The following MDGA2 variants were observed in gnomAD, a reference collection of about 807,000 sequenced individuals.
The protein encoded by MDGA2 is MAM domain containing glycosylphosphatidylinositol anchor 2.
In MDGA2, 40 loss-of-function variants were observed where a neutral mutation model predicts 117.8. That is an observed-to-expected ratio of 0.34 (90% CI 0.26 to 0.44). The LOEUF is 0.44. Among genes scored for constraint, MDGA2 ranks in the 20% least tolerant of loss-of-function variants. MDGA2 has a pLI of 1.00. For missense variants in MDGA2, 1,123 were observed against 1,250.6 expected (o/e 0.90, Z 1.54); for synonymous variants, 452 against 439.0 (o/e 1.03, Z -0.37).
chr14:47,519,558 T>C (rs540884429), intron 1 of MDGA2, among the ~76,000 whole-genome samples: 1 of 152,318 alleles, frequency 6.6e-6, no homozygotes, highest in Non-Finnish European at 1.5e-5. Context: ...TTAAAAATGA[T>C]GAGTAAACGC....
intron 6 of MDGA2, among the ~76,000 whole-genome samples, chr14:47,088,875 T>A (rs1891007080): frequency 6.6e-6 from 1 of 152,208 alleles, no homozygotes; most frequent in Admixed American, 6.5e-5. Context: ...GTCAGTTCTA[T>A]CAAGTCCTTC....
chr14:47,053,004 A>G (rs1351277924), intron 7 of MDGA2, among the ~76,000 whole-genome samples: 3 of 151,898 alleles, frequency 2.0e-5, no homozygotes, highest in African/African-American at 7.2e-5. Context: ...CATTATCAAA[A>G]TTTATGCATC....
intron 1 of MDGA2, among the ~76,000 whole-genome samples, chr14:47,572,227 C>T (rs4900784): frequency 0.78 from 119,074 of 152,118 alleles, 46,914 homozygotes; most frequent in East Asian, 1. Flanking sequence ...AAGGTATGTG[C>T]GTGTACAGTG....
chr14:47,100,552 C>A (rs1427490185), intron 5 of MDGA2, among the ~76,000 whole-genome samples: 1 of 151,998 alleles, frequency 6.6e-6, no homozygotes, highest in Non-Finnish European at 1.5e-5. Context: ...ATGTAAATGT[C>A]CATTGATTCA....
rs190681785 is a variant in MDGA2 at position 47,301,540 on chromosome 14, C to T, written c.291G>A (p.Thr97=). ...CCAAGCCTGAGTGCACAATACGAACCGTGGGAGGAGCTGTCGAGTCAGGAA... is the reference window on the plus strand; with the variant it reads ...CCAAGCCTGAGTGCACAATACGAACTGTGGGAGGAGCTGTCGAGTCAGGAA... ...ISGQGVYAPP[T]VRIVHSGLAC... Residue 97 remains threonine (T), a synonymous_variant, in exon 2 of 17, where the codon ACG becomes ACA. Coordinates refer to ENST00000399232, the MANE Select transcript of MDGA2 (RefSeq NM_001113498.3). The T allele has an allele frequency of 1.7e-5, 27 of 1,551,526 alleles. No individual in the cohort carries two copies. The highest frequency in any genetic ancestry group is 2.7e-5 in the African/African-American group (2 of 73,138).
Position 47,652,503 on chromosome 14 carries a change from T to C in MDGA2, c.280+22014A>G, listed in dbSNP as rs185140526. 2.0e-5 allele frequency among the ~76,000 whole-genome samples: 3 copies of C among 152,304 alleles called. No homozygotes were observed. The East Asian group carries it at 5.8e-4, about 29-fold the overall frequency. ...AAAACTACAAAGTCAGTTTCCTTTA[T>C]CTGAAAATACTGATTTGTTCAAGTT... On this transcript the variant is annotated intron_variant, in intron 1 of 16. Transcript: ENST00000399232.
chr14:47,391,394 G>C (rs1268135466), intron 1 of MDGA2, among the ~76,000 whole-genome samples: 1 of 152,150 alleles, frequency 6.6e-6, no homozygotes, highest in Non-Finnish European at 1.5e-5. Context: ...GAATAGACAA[G>C]TGTGAAACTG....
At chr14:46,976,457 G>A (rs1411690302) in intron 8 of MDGA2, among the ~76,000 whole-genome samples, 1 of 151,856 alleles carries the variant, frequency 6.6e-6, no homozygotes, top group Non-Finnish European at 1.5e-5. Context: ...TCATACTTGT[G>A]AATCAGGAAA....
chr14:47,000,887 T>C (rs1887508809), intron 8 of MDGA2, among the ~76,000 whole-genome samples: 2 of 152,026 alleles, frequency 1.3e-5, no homozygotes, highest in South Asian at 2.1e-4. Context: ...AAAGTAAGCA[T>C]AGTTTGATTC....
intron 1 of MDGA2, among the ~76,000 whole-genome samples, chr14:47,593,041 GA>G (rs34687703): frequency 0.31 from 47,450 of 151,176 alleles, 7,816 homozygotes; most frequent in African/African-American, 0.34. Flanking sequence ...AAATTTACAA[GA>G]AAAAAAAATC....
intron 8 of MDGA2, among the ~76,000 whole-genome samples, chr14:47,003,839 A>G: frequency 6.6e-6 from 1 of 152,090 alleles, no homozygotes; most frequent in South Asian, 2.1e-4. Flanking sequence ...GCTACATTTA[A>G]GAAATTATGA....
intron 5 of MDGA2, among the ~76,000 whole-genome samples, chr14:47,114,955 CAA>C (rs35950492): frequency 0.029 from 3,704 of 127,258 alleles, 140 homozygotes; most frequent in African/African-American, 0.094. Context: ...TCTGCACAGC[CAA>C]AAAAAAAAAA....
chr14:47,314,485 C>T (rs1020593993), intron 1 of MDGA2, among the ~76,000 whole-genome samples: 6 of 152,014 alleles, frequency 3.9e-5, no homozygotes, highest in African/African-American at 1.4e-4. Flanking sequence ...TGAGACAACC[C>T]TGCACAATAT....
chr14:47,249,400 C>T (rs1440656733), intron 2 of MDGA2, among the ~76,000 whole-genome samples: 2 of 152,142 alleles, frequency 1.3e-5, no homozygotes, highest in African/African-American at 2.4e-5. Context: ...CAACTCACTG[C>T]AGCCTCCACC....
At chr14:47,267,732 A>G (rs1310086747) in intron 2 of MDGA2, among the ~76,000 whole-genome samples, 2 of 152,122 alleles carry the variant, frequency 1.3e-5, no homozygotes. Context: ...TTAAACTTAA[A>G]TTTTGTCCAC....
At chr14:47,158,181 C>T (rs1566656034) in intron 3 of MDGA2, among the ~76,000 whole-genome samples, 1 of 152,150 alleles carries the variant, frequency 6.6e-6, no homozygotes, top group Non-Finnish European at 1.5e-5. Flanking sequence ...GTTACGACTG[C>T]TTACAGCATT....
chr14:47,232,806 C>A (rs1407424458), intron 2 of MDGA2, among the ~76,000 whole-genome samples: 2 of 151,792 alleles, frequency 1.3e-5, no homozygotes, highest in African/African-American at 4.8e-5. Context: ...ATCTGTAAAC[C>A]CATGAGTTTA....
At chr14:47,621,876 C>G (rs1897056183) in intron 1 of MDGA2, among the ~76,000 whole-genome samples, 1 of 152,146 alleles carries the variant, frequency 6.6e-6, no homozygotes, top group Non-Finnish European at 1.5e-5. Context: ...TTCTAAACAA[C>G]TGAAATTCTG....
intron 8 of MDGA2, among the ~76,000 whole-genome samples, chr14:47,001,603 C>G (rs186466160): frequency 2.0e-5 from 3 of 152,044 alleles, no homozygotes; most frequent in African/African-American, 7.2e-5. Context: ...CTATTCAATA[C>G]AAAAATAAAG....
Sources: allele counts gnomAD v4.1 joint callset (sites outside exome capture counted in the v4.1 genomes callset), GRCh38; gene constraint gnomAD v4.1.1; transcripts MANE v1.5; gene names NCBI Gene and HGNC (gene_info 2026-07-23, HGNC 2026-07-21).